SLC8A1: variants seen among roughly 807,000 people sequenced by gnomAD.
The protein encoded by SLC8A1 is sodium/calcium exchanger 1.
In SLC8A1, 18 loss-of-function variants were observed where a neutral mutation model predicts 68.3. That is an observed-to-expected ratio of 0.26 (90% CI 0.18 to 0.39). The LOEUF (loss-of-function observed/expected upper bound fraction) is 0.39. Among genes scored for constraint, SLC8A1 ranks in the 10% least tolerant of loss-of-function variants. The pLI is 1.00. For missense variants in SLC8A1, 985 were observed against 1,156.7 expected (o/e 0.85, Z 2.15); for synonymous variants, 475 against 415.5 (o/e 1.14, Z -1.74).
At chr2:40,174,290 A>G (rs921107273) in intron 4 of SLC8A1, among the ~76,000 whole-genome samples, 1 of 152,076 alleles carries the variant, frequency 6.6e-6, no homozygotes, top group Non-Finnish European at 1.5e-5. Flanking sequence ...TTTTCTCAAC[A>G]TGTATTTTTA....
At chr2:40,350,975 C>A (rs546541033) in intron 2 of SLC8A1, among the ~76,000 whole-genome samples, 1 of 152,096 alleles carries the variant, frequency 6.6e-6, no homozygotes, top group Non-Finnish European at 1.5e-5. Flanking sequence ...TGAGAAATGA[C>A]GGCAGCTCTG....
At chr2:40,440,826 T>C (rs1247857552) in intron 1 of SLC8A1, among the ~76,000 whole-genome samples, 1 of 152,198 alleles carries the variant, frequency 6.6e-6, no homozygotes, top group Admixed American at 6.5e-5. Context: ...AATATCATAC[T>C]GAATGGGCAA....
intron 2 of SLC8A1, among the ~76,000 whole-genome samples, chr2:40,416,118 C>T (rs1248422287): frequency 6.7e-6 from 1 of 148,234 alleles, no homozygotes; most frequent in Non-Finnish European, 1.5e-5. Context: ...CAGAGATGTT[C>T]AAATTAGGTT....
chr2:40,297,814 A>G (rs13001457), intron 2 of SLC8A1, among the ~76,000 whole-genome samples: 42,314 of 152,152 alleles, frequency 0.28, 5,971 homozygotes, highest in East Asian at 0.38. Context: ...AGGAGGGGCT[A>G]CTATTATAAA....
chr2:40,452,550 G>A (rs1702690302), upstream of SLC8A1, among the ~76,000 whole-genome samples: 1 of 152,102 alleles, frequency 6.6e-6, no homozygotes, highest in East Asian at 1.9e-4. Flanking sequence ...CCCCCAATTC[G>A]CCTACCCGTT....
exon 8 of SLC8A1, chr2:40,102,201 G>A (rs1318923018): frequency 6.6e-6 from 1 of 152,090 alleles, no homozygotes; most frequent in East Asian, 1.9e-4. Flanking sequence ...TCTATTTGTA[G>A]AAAATTCTAT....
intron 2 of SLC8A1, chr2:40,255,135 G>GGTTAATGTCTGCAA (rs1159177510): frequency 6.6e-6 from 1 of 151,806 alleles, no homozygotes; most frequent in Non-Finnish European, 1.5e-5. Context: ...CCTAGTTGTT[G>GGTTAATGTCTGCAA]GTTAATGTCT....
At chr2:40,274,863 T>C (rs867192321) in intron 2 of SLC8A1, among the ~76,000 whole-genome samples, 3 of 152,152 alleles carry the variant, frequency 2.0e-5, no homozygotes, top group South Asian at 2.1e-4. Flanking sequence ...TGGATAAGGA[T>C]TGAAGCTGTG....
intron 7 of SLC8A1, chr2:40,118,412 T>A (rs1219544981): frequency 6.6e-6 from 1 of 152,144 alleles, no homozygotes; most frequent in Non-Finnish European, 1.5e-5. Context: ...GAAGAAGGTA[T>A]GGGCAGTTTG....
At chr2:40,211,175 G>A (rs1039110424) in intron 2 of SLC8A1, among the ~76,000 whole-genome samples, 8 of 152,182 alleles carry the variant, frequency 5.3e-5, no homozygotes, top group Non-Finnish European at 7.3e-5. Context: ...CAACAACCTT[G>A]CTCATCTCTT....
At chr2:40,439,827 T>C (rs576500495) in intron 1 of SLC8A1, among the ~76,000 whole-genome samples, 2 of 152,254 alleles carry the variant, frequency 1.3e-5, no homozygotes, top group South Asian at 2.1e-4. Flanking sequence ...AAGAAACATA[T>C]TTTAAAAAGT....
intron 7 of SLC8A1, among the ~76,000 whole-genome samples, chr2:40,119,159 T>C (rs550081791): frequency 1.3e-5 from 2 of 152,306 alleles, no homozygotes; most frequent in South Asian, 4.1e-4. Context: ...GTAATAATAA[T>C]AGGTTCCTAT....
intron 2 of SLC8A1, among the ~76,000 whole-genome samples, chr2:40,249,099 A>G (rs1319393944): frequency 6.6e-6 from 1 of 152,198 alleles, no homozygotes; most frequent in Non-Finnish European, 1.5e-5. Flanking sequence ...AAACAAACAC[A>G]ATGACGTTTG....
At chr2:40,322,112 A>T (rs1420251022) in intron 2 of SLC8A1, among the ~76,000 whole-genome samples, 1 of 152,104 alleles carries the variant, frequency 6.6e-6, no homozygotes, top group Non-Finnish European at 1.5e-5. Context: ...TACCCATATT[A>T]TACTGCACTG....
rs910252141 is a variant in SLC8A1 at position 40,240,939 on chromosome 2, C to T, written c.1809-63084G>A. Among the ~76,000 whole-genome samples, 82 of 152,252 alleles carry T rather than the reference C, an allele frequency of 5.4e-4. 1 individual carries two copies. The highest frequency in any genetic ancestry group is 1.7e-3 in the African/African-American group (72 of 41,566). ...TAAAATAGAGACAATAAATTTCTTC[C>T]GTGATTTTTAAAGAACTTAAAACAG... is the stretch of plus-strand genomic sequence containing the variant. On this transcript the variant is annotated intron_variant, in intron 2 of 7. Transcript: ENST00000406785.
At chr2:40,145,778 A>T (rs2042348484) in intron 6 of SLC8A1, among the ~76,000 whole-genome samples, 1 of 152,206 alleles carries the variant, frequency 6.6e-6, no homozygotes, top group African/African-American at 2.4e-5. Context: ...ATGCATGTGT[A>T]TGTGACGCCA....
chr2:40,352,606 C>A (rs1174146762), intron 2 of SLC8A1, among the ~76,000 whole-genome samples: 1 of 152,116 alleles, frequency 6.6e-6, no homozygotes, highest in African/African-American at 2.4e-5. Context: ...GTAATTTTGG[C>A]TATAGGCAAA....
chr2:40,439,907 T>C (rs1462801047), intron 1 of SLC8A1, among the ~76,000 whole-genome samples: 4 of 152,198 alleles, frequency 2.6e-5, no homozygotes, highest in Non-Finnish European at 5.9e-5. Context: ...CTAAAGTTCC[T>C]GACAATATAC....
At chr2:40,188,382 G>C (rs2051100492) in intron 2 of SLC8A1, among the ~76,000 whole-genome samples, 2 of 152,156 alleles carry the variant, frequency 1.3e-5, no homozygotes, top group Admixed American at 1.3e-4. Context: ...ATCTTTGTCT[G>C]GTTCAGTTTT....
Sources: allele counts gnomAD v4.1 joint callset (sites outside exome capture counted in the v4.1 genomes callset), GRCh38; gene constraint gnomAD v4.1.1; transcripts MANE v1.5; gene names NCBI Gene and HGNC (gene_info 2026-07-23, HGNC 2026-07-21).